Variants in HDAC9 observed in about 807,000 individuals in gnomAD.
HDAC9 encodes histone deacetylase 9, also known as MEF-2 interacting transcription repressor (MITR) protein.
Under a neutral mutation model 139.4 loss-of-function variants are expected in HDAC9, and 41 were observed. That is an observed-to-expected ratio of 0.29 (90% CI 0.23 to 0.38). The LOEUF (loss-of-function observed/expected upper bound fraction) is 0.38. Ranked by LOEUF, HDAC9 falls within the 10% of genes least tolerant of loss-of-function variation. HDAC9 has a pLI of 1.00. For synonymous variants in HDAC9, 517 were observed against 476.2 expected, an observed-to-expected ratio of 1.09 and a Z score of -1.12; for missense variants, 1,147 against 1,297.0, an observed-to-expected ratio of 0.88 and a Z score of 1.78.
At chr7:18,929,483 G>A (rs1804535583) in intron 22 of HDAC9, among the ~76,000 whole-genome samples, 1 of 151,950 alleles carries the variant, frequency 6.6e-6, no homozygotes, top group African/African-American at 2.4e-5. Flanking sequence ...TTGTTACAAT[G>A]TAGAATCCTT....
At chr7:18,139,779 G>A (rs993445183) in intron 1 of HDAC9, among the ~76,000 whole-genome samples, 4 of 152,168 alleles carry the variant, frequency 2.6e-5, no homozygotes, top group African/African-American at 7.2e-5. Context: ...TAAAGAGGGA[G>A]ACAGAGGGGT....
intron 1 of HDAC9, among the ~76,000 whole-genome samples, chr7:18,446,187 C>T (rs1284260111): frequency 6.6e-6 from 1 of 152,222 alleles, no homozygotes; most frequent in Non-Finnish European, 1.5e-5. Flanking sequence ...GACACACACA[C>T]AGAACTTCCA....
chr7:18,777,825 G>A (rs1297366125), intron 16 of HDAC9, among the ~76,000 whole-genome samples: 1 of 151,922 alleles, frequency 6.6e-6, no homozygotes, highest in Non-Finnish European at 1.5e-5. Context: ...AGAGAATCCT[G>A]CAAAACATAC....
At chr7:18,438,547 A>C (rs1562987610) in intron 1 of HDAC9, among the ~76,000 whole-genome samples, 1 of 152,220 alleles carries the variant, frequency 6.6e-6, no homozygotes, top group East Asian at 1.9e-4. Flanking sequence ...AGATTAAACT[A>C]GAATATATCT....
intron 23 of HDAC9, among the ~76,000 whole-genome samples, chr7:18,947,639 C>G (rs1782497877): frequency 1.3e-5 from 2 of 151,754 alleles, no homozygotes; most frequent in South Asian, 2.1e-4. Flanking sequence ...AACACAAAAC[C>G]CATATAGCTT....
chr7:18,690,377 C>A (rs1782586789), intron 12 of HDAC9, among the ~76,000 whole-genome samples: 3 of 151,922 alleles, frequency 2.0e-5, no homozygotes, highest in African/African-American at 4.8e-5. Context: ...TTTGTTTTGG[C>A]AGAGGCTGGT....
rs557029428 is a variant in HDAC9 at position 18,959,006 on chromosome 7, G to C, written c.3022+4776G>C. 2.8e-4 allele frequency among the ~76,000 whole-genome samples: 43 copies of C among 152,252 alleles called. No individual in the cohort carries two copies. The South Asian group carries it at 8.9e-3, about 32-fold the overall frequency. The stretch of plus-strand genomic sequence containing the variant: ...AATCAACAAGTGATGCCAGTAACGA[G>C]TCAGCCCAGAGTGAGATAAATAACT... On this transcript the variant is annotated intron_variant, in intron 24 of 25. Coordinates refer to ENST00000686413, the MANE Select transcript of HDAC9 (RefSeq NM_178425.4).
At chr7:18,618,749 T>C (rs1044057139) in intron 6 of HDAC9, among the ~76,000 whole-genome samples, 1 of 145,778 alleles carries the variant, frequency 6.9e-6, no homozygotes, top group Non-Finnish European at 1.5e-5. Flanking sequence ...TATATATATA[T>C]ATATATATAT....
chr7:18,178,143 G>A (rs868096313), intron 2 of HDAC9, among the ~76,000 whole-genome samples: 15 of 151,670 alleles, frequency 9.9e-5, no homozygotes, highest in Admixed American at 1.3e-4. Flanking sequence ...GAGTGCAGTG[G>A]CACAATCTTG....
intron 21 of HDAC9, among the ~76,000 whole-genome samples, chr7:18,863,316 T>C (rs1056920557): frequency 2.0e-5 from 3 of 152,190 alleles, no homozygotes; most frequent in African/African-American, 4.8e-5. Context: ...TGCTAGACTT[T>C]AGCTTGTCCA....
At chr7:18,987,114 A>T (rs941816099) in intron 25 of HDAC9, among the ~76,000 whole-genome samples, 1 of 152,112 alleles carries the variant, frequency 6.6e-6, no homozygotes, top group Non-Finnish European at 1.5e-5. Context: ...GTTGAAGAGG[A>T]GTGGTGAGAG....
chr7:18,650,846 C>T (rs1334288929), intron 11 of HDAC9, among the ~76,000 whole-genome samples: 1 of 152,154 alleles, frequency 6.6e-6, no homozygotes, highest in African/African-American at 2.4e-5. Flanking sequence ...TAACCTCTCT[C>T]AGCTTGGGTG....
chr7:18,574,366 T>G (rs925974683), intron 2 of HDAC9, among the ~76,000 whole-genome samples: 3 of 152,226 alleles, frequency 2.0e-5, no homozygotes, highest in African/African-American at 7.2e-5. Flanking sequence ...TGCCTCAGTC[T>G]GGCTGAGTCC....
At chr7:18,757,357 A>G (rs556179789) in intron 14 of HDAC9, among the ~76,000 whole-genome samples, 1 of 152,288 alleles carries the variant, frequency 6.6e-6, no homozygotes, top group East Asian at 1.9e-4. Context: ...TTTGAAAATG[A>G]TTAAAGAAAA....
At chr7:18,693,734 A>G (rs902612889) in intron 12 of HDAC9, among the ~76,000 whole-genome samples, 1 of 152,192 alleles carries the variant, frequency 6.6e-6, no homozygotes, top group African/African-American at 2.4e-5. Flanking sequence ...AGCCTCTGAT[A>G]TCTATTAGGA....
chr7:18,779,669 A>G (rs978803045), intron 16 of HDAC9, among the ~76,000 whole-genome samples: 3 of 152,066 alleles, frequency 2.0e-5, no homozygotes, highest in Admixed American at 2.0e-4. Context: ...CAAGGCTCCC[A>G]CATGGTATTA....
intron 22 of HDAC9, among the ~76,000 whole-genome samples, chr7:18,885,044 T>C (rs1022918623): frequency 2.0e-5 from 3 of 152,212 alleles, no homozygotes; most frequent in East Asian, 3.8e-4. Context: ...AAATACCATT[T>C]TGAGGTGTTT....
At chr7:18,515,969 G>A (rs1484340281) in intron 2 of HDAC9, among the ~76,000 whole-genome samples, 1 of 152,128 alleles carries the variant, frequency 6.6e-6, no homozygotes, top group Non-Finnish European at 1.5e-5. Flanking sequence ...AACTTAAAGG[G>A]AAGAAGAACT....
intron 2 of HDAC9, among the ~76,000 whole-genome samples, chr7:18,528,353 T>C (rs1807638567): frequency 1.3e-5 from 2 of 151,772 alleles, no homozygotes; most frequent in South Asian, 4.1e-4. Context: ...TATAGCATAT[T>C]AGAACAAATA....
Sources: gnomAD v4.1 joint callset for allele counts (sites outside exome capture counted in the v4.1 genomes callset) on GRCh38, gnomAD v4.1.1 for gene constraint, MANE v1.5 for transcripts, NCBI Gene and HGNC (gene_info 2026-07-23, HGNC 2026-07-21) for gene names.